The following EVA1A variants were observed in gnomAD, a reference collection of about 807,000 sequenced individuals.
The protein encoded by EVA1A is eva-1 homolog A, regulator of programmed cell death.
In EVA1A, 7 loss-of-function variants were observed where a neutral mutation model predicts 9.8. The observed-to-expected ratio is 0.71, with a 90% confidence interval of 0.41 to 1.34. The LOEUF (loss-of-function observed/expected upper bound fraction) is 1.34. EVA1A is among the 40% of genes most tolerant of loss of function. The pLI is 0.01. For synonymous variants in EVA1A, 90 were observed against 85.6 expected (o/e 1.05, Z -0.28); for missense variants, 206 against 205.9 (o/e 1.00, Z 0.00).
chr2:75,527,319 T>G (rs1194670016), intron 1 of EVA1A, among the ~76,000 whole-genome samples: 3 of 152,182 alleles, frequency 2.0e-5, no homozygotes, highest in African/African-American at 7.2e-5. Context: ...GACTTTCATC[T>G]GAGATTGCTA....
intron 3 of EVA1A, among the ~76,000 whole-genome samples, chr2:75,504,722 C>T (rs1444662147): frequency 2.7e-5 from 4 of 146,608 alleles, no homozygotes; most frequent in African/African-American, 5.1e-5. Context: ...CCAAACACCA[C>T]GTGTTCTCAC....
chr2:75,557,512 G>A (rs1676757861), intron 1 of EVA1A, among the ~76,000 whole-genome samples: 1 of 152,190 alleles, frequency 6.6e-6, no homozygotes, highest in Non-Finnish European at 1.5e-5. Flanking sequence ...TCAGCTGGTG[G>A]CATTTATTCA....
In EVA1A at chr2:75,546,135, G is replaced by A. The variant is rs539090855; in HGVS notation, c.-192+14545C>T. Among the ~76,000 whole-genome samples, 3 of 152,278 alleles carry A rather than the reference G, an allele frequency of 2.0e-5. No individual in the cohort carries two copies. The East Asian group carries it at 5.8e-4, about 30-fold the overall frequency. Reference sequence around the variant, plus strand: ...GGGAGGCCTGGTGTGTTCTGCAAGGGAGCTCAGACTCTCTCCTAGCAACAG... The same window carrying A: ...GGGAGGCCTGGTGTGTTCTGCAAGGAAGCTCAGACTCTCTCCTAGCAACAG... On this transcript the variant is annotated intron_variant, in intron 1 of 3. Coordinates refer to ENST00000393913, the MANE Select transcript of EVA1A (RefSeq NM_001135032.2).
At chr2:75,543,772 G>A (rs1159267757) in intron 1 of EVA1A, among the ~76,000 whole-genome samples, 1 of 152,152 alleles carries the variant, frequency 6.6e-6, no homozygotes, top group African/African-American at 2.4e-5. Context: ...ATTCAGCACA[G>A]ACAAACTGCT....
intron 1 of EVA1A, among the ~76,000 whole-genome samples, chr2:75,555,334 TCTCC>T (rs1300105278): frequency 1.1e-4 from 16 of 146,138 alleles, no homozygotes; most frequent in African/African-American, 4.0e-4. Flanking sequence ...TCTCTCTCTC[TCTCC>T]CCCATCTCCC....
chr2:75,510,596 A>T (rs1023190755), intron 3 of EVA1A, among the ~76,000 whole-genome samples: 2 of 152,236 alleles, frequency 1.3e-5, no homozygotes, highest in Non-Finnish European at 2.9e-5. Flanking sequence ...GCATAACTGT[A>T]CTTGCAGTTA....
chr2:75,561,600 C>T (rs1292127026), upstream of EVA1A, among the ~76,000 whole-genome samples: 1 of 152,122 alleles, frequency 6.6e-6, no homozygotes, highest in Non-Finnish European at 1.5e-5. Flanking sequence ...TGTTCCTATA[C>T]AATCGTCATA....
intron 1 of EVA1A, among the ~76,000 whole-genome samples, chr2:75,566,054 A>G (rs530646693): frequency 6.6e-6 from 1 of 152,182 alleles, no homozygotes; most frequent in Non-Finnish European, 1.5e-5. Context: ...TGGCAAAGTA[A>G]TGGGACTTCT....
intron 3 of EVA1A, among the ~76,000 whole-genome samples, chr2:75,513,512 T>C (rs1361291432): frequency 1.3e-5 from 2 of 152,152 alleles, no homozygotes; most frequent in African/African-American, 4.8e-5. Context: ...TCATACAGTA[T>C]TTTTATTTCT....
At chr2:75,556,785 G>A (rs960019287) in intron 1 of EVA1A, among the ~76,000 whole-genome samples, 2 of 152,108 alleles carry the variant, frequency 1.3e-5, no homozygotes, top group Admixed American at 1.3e-4. Flanking sequence ...TTCTCATAAG[G>A]AGTGCACAAA....
At chr2:75,546,907 C>CAAAAAAA (rs751386318) in intron 1 of EVA1A, among the ~76,000 whole-genome samples, 1 of 66,874 alleles carries the variant, frequency 1.5e-5, no homozygotes, top group African/African-American at 5.0e-5. Context: ...ATCAATAGGC[C>CAAAAAAA]AAAAAAAAAA....
chr2:75,546,959 C>A (rs574405049), intron 1 of EVA1A, among the ~76,000 whole-genome samples: 6 of 151,350 alleles, frequency 4.0e-5, no homozygotes, highest in Non-Finnish European at 8.8e-5. Flanking sequence ...ATTGGAGAAC[C>A]CTGGGACAGA....
At chr2:75,569,626 G>T (rs916236623) in exon 1 of EVA1A, 1 of 152,136 alleles carries the variant, frequency 6.6e-6, no homozygotes, top group Non-Finnish European at 1.5e-5. Context: ...CGTCCTTCAG[G>T]GTCAGCCGCT....
intron 2 of EVA1A, among the ~76,000 whole-genome samples, chr2:75,521,218 C>T (rs1675219842): frequency 6.6e-6 from 1 of 152,158 alleles, no homozygotes; most frequent in South Asian, 2.1e-4. Context: ...TATTGGAACC[C>T]TTGTGCACTG....
At chr2:75,508,612 C>T (rs1019574961) in intron 3 of EVA1A, among the ~76,000 whole-genome samples, 3 of 152,086 alleles carry the variant, frequency 2.0e-5, no homozygotes, top group Admixed American at 2.0e-4. Context: ...CCTGTGATCT[C>T]GCCCTGCCTC....
At chr2:75,502,273 C>T (rs764211273) in intron 3 of EVA1A, among the ~76,000 whole-genome samples, 11 of 152,208 alleles carry the variant, frequency 7.2e-5, no homozygotes, top group Non-Finnish European at 1.6e-4. Context: ...CTCCATAAAT[C>T]TATCTCCATT....
At chr2:75,533,513 A>C (rs1675754404) in intron 1 of EVA1A, among the ~76,000 whole-genome samples, 1 of 152,334 alleles carries the variant, frequency 6.6e-6, no homozygotes, top group East Asian at 1.9e-4. Flanking sequence ...TTTTAAAAAG[A>C]TATCATGAGA....
intron 1 of EVA1A, among the ~76,000 whole-genome samples, chr2:75,531,429 T>C (rs1047954859): frequency 6.6e-6 from 1 of 152,126 alleles, no homozygotes; most frequent in Admixed American, 6.5e-5. Context: ...TGTCATTAAA[T>C]GGAAAAGACA....
chr2:75,558,429 G>A (rs1219992270), intron 1 of EVA1A: 3 of 152,238 alleles, frequency 2.0e-5, no homozygotes, highest in South Asian at 2.1e-4. Flanking sequence ...GAGCATCGAC[G>A]GCACTAAGCT....
Sources: gnomAD v4.1 joint callset for allele counts (sites outside exome capture counted in the v4.1 genomes callset) on GRCh38, gnomAD v4.1.1 for gene constraint, MANE v1.5 for transcripts, NCBI Gene and HGNC (gene_info 2026-07-23, HGNC 2026-07-21) for gene names.